The following NR2C2 variants were observed in gnomAD, a reference collection of about 807,000 sequenced individuals.
The protein encoded by NR2C2 is Nuclear hormone receptor TR4.
Under a neutral mutation model 62.9 loss-of-function variants are expected in NR2C2, and 6 were observed. The observed-to-expected ratio is 0.10, with a 90% CI of 0.05 to 0.19. The LOEUF is 0.19. NR2C2 is among the 10% of genes least tolerant of loss of function. The pLI, the probability that NR2C2 is intolerant of heterozygous loss-of-function variation, is 1.00. For synonymous variants in NR2C2, 272 were observed against 273.8 expected (o/e 0.99, Z 0.07); for missense variants, 479 against 762.7 (o/e 0.63, Z 4.38).
intron 7 of NR2C2, among the ~76,000 whole-genome samples, chr3:15,027,195 C>T (rs962031165): frequency 6.6e-6 from 1 of 152,084 alleles, no homozygotes; most frequent in Admixed American, 6.5e-5. Flanking sequence ...GATGAGGTTT[C>T]ACCATGTTGG....
At chr3:15,001,876 C>T (rs2041013948) in intron 1 of NR2C2, among the ~76,000 whole-genome samples, 3 of 152,206 alleles carry the variant, frequency 2.0e-5, no homozygotes, top group Middle Eastern at 6.8e-3. Context: ...CCTCGGTCTC[C>T]CAAAGTGCCA....
chr3:14,969,206 C>A (rs2039961364), intron 1 of NR2C2, among the ~76,000 whole-genome samples: 1 of 150,078 alleles, frequency 6.7e-6, no homozygotes, highest in African/African-American at 2.4e-5. Flanking sequence ...CATATAGATA[C>A]ATATACTATG....
At chr3:15,011,299 A>T (rs2041346201) in intron 2 of NR2C2, among the ~76,000 whole-genome samples, 1 of 152,210 alleles carries the variant, frequency 6.6e-6, no homozygotes, top group Non-Finnish European at 1.5e-5. Flanking sequence ...TGCTCATGCC[A>T]CTGCACGCCA....
In NR2C2 at chr3:15,030,354, A is replaced by G; in HGVS notation, c.1012A>G (p.Ser338Gly). ...AAGCTTGGCAGATGGGATAGACACCAGTGGAGGAGGGAGCATCCACGTCAT... is the reference window on the plus strand; with the variant it reads ...AAGCTTGGCAGATGGGATAGACACCGGTGGAGGAGGGAGCATCCACGTCAT... ...SPSLADGIDT[S>G]GGGSIHVISR... Residue 338 changes from serine to glycine, a missense_variant, in exon 9 of 14, where the codon AGT (serine) becomes GGT (glycine). Physicochemically the swap from Ser to Gly is moderately conservative, Grantham distance 56. Around this residue, in one of 4 missense-constraint regions of NR2C2, gnomAD observed 151 missense variants for 176.1 expected, o/e 0.86. Coordinates refer to ENST00000425241, the MANE Select transcript of NR2C2 (RefSeq NM_001291694.2). 1 of 1,613,574 alleles carries G rather than the reference A, an allele frequency of 6.2e-7. No individual in the cohort carries two copies. Among genetic ancestry groups the G allele is most frequent in the Non-Finnish European group, 8.5e-7 (1 of 1,179,820 alleles).
At chr3:15,009,710 T>A (rs1048909226) in intron 2 of NR2C2, among the ~76,000 whole-genome samples, 1 of 152,212 alleles carries the variant, frequency 6.6e-6, no homozygotes. Context: ...CCCAGGGCTG[T>A]CACAATAAAT....
intron 1 of NR2C2, among the ~76,000 whole-genome samples, chr3:14,982,181 C>T (rs1338250577): frequency 6.6e-6 from 1 of 152,148 alleles, no homozygotes; most frequent in East Asian, 1.9e-4. Flanking sequence ...CCTTCCACCT[C>T]ACCCTTCCAA....
At position 15,016,155 on chromosome 3, in the gene NR2C2, G is replaced by T. The variant is rs1473217829; in HGVS notation, c.277G>T (p.Val93Phe). ...TTCGTTTCCTGATTTCTCTCAGATT[G>T]TCACGGATTCTGCCTCTGTGGAGCG... ...DNLVPGRIQI[V>F]TDSASVERLL... The change falls in exon 4 of 14, where the codon GTC (valine) becomes TTC (phenylalanine). Residue 93 changes from valine (V) to phenylalanine (F), a missense_variant. Around this residue, in one of 4 missense-constraint regions of NR2C2, gnomAD observed 115 missense variants for 152.3 expected, o/e 0.76. Transcript: ENST00000425241. 6.2e-7 allele frequency: 1 copy of T among 1,613,414 alleles called. No homozygotes were observed. Among genetic ancestry groups the T allele is most frequent in the African/African-American group, 1.3e-5 (1 of 74,998 alleles).
intron 1 of NR2C2, among the ~76,000 whole-genome samples, chr3:14,967,874 A>T (rs1375692497): frequency 6.6e-6 from 1 of 152,228 alleles, no homozygotes; most frequent in Non-Finnish European, 1.5e-5. Flanking sequence ...CCTGAGAAAA[A>T]CAAGCAATGG....
At chr3:15,036,424 C>T (rs1271548330) in intron 11 of NR2C2, among the ~76,000 whole-genome samples, 1 of 152,196 alleles carries the variant, frequency 6.6e-6, no homozygotes, top group Non-Finnish European at 1.5e-5. Flanking sequence ...AGACCACTGT[C>T]ATGCCCAGGA....
chr3:15,027,896 T>C (rs1017727436), intron 7 of NR2C2, among the ~76,000 whole-genome samples: 3 of 151,864 alleles, frequency 2.0e-5, no homozygotes, highest in African/African-American at 7.3e-5. Flanking sequence ...ACATGGAATC[T>C]TACTCTGTCA....
intron 2 of NR2C2, among the ~76,000 whole-genome samples, chr3:15,012,978 C>G (rs1483123410): frequency 6.6e-6 from 1 of 152,158 alleles, no homozygotes; most frequent in Non-Finnish European, 1.5e-5. Context: ...TTATTGTCGT[C>G]TCTCTATGTG....
Position 14,961,881 on chromosome 3 carries a change from G to A in NR2C2, c.-40+13975G>A, listed in dbSNP as rs143171247. On this transcript the variant is annotated intron_variant, in intron 1 of 13. Transcript: ENST00000425241. Reference sequence around the variant, plus strand: ...CACTCTTTAGTAATGCAGTCTCTTCGCTTCTTGCTTTGTTAGTGATAGTAT... The same window carrying A: ...CACTCTTTAGTAATGCAGTCTCTTCACTTCTTGCTTTGTTAGTGATAGTAT... 6.9e-3 allele frequency among the ~76,000 whole-genome samples: 1,058 copies of A among 152,284 alleles called. 10 individuals are homozygous for A. Among genetic ancestry groups the A allele is most frequent in the Non-Finnish European group, 0.01 (683 of 68,022 alleles).
intron 1 of NR2C2, among the ~76,000 whole-genome samples, chr3:14,967,847 A>C (rs1000959636): frequency 6.6e-6 from 1 of 152,186 alleles, no homozygotes; most frequent in African/African-American, 2.4e-5. Flanking sequence ...ATCTACAACT[A>C]TCTTATCTTT....
chr3:14,983,959 G>A (rs779647206), intron 1 of NR2C2, among the ~76,000 whole-genome samples: 24 of 152,230 alleles, frequency 1.6e-4, no homozygotes, highest in African/African-American at 4.8e-4. Flanking sequence ...CGCGATCTTG[G>A]CTCACTGCAA....
chr3:15,036,401 T>C (rs2042104252), intron 11 of NR2C2, among the ~76,000 whole-genome samples: 1 of 152,188 alleles, frequency 6.6e-6, no homozygotes, highest in Non-Finnish European at 1.5e-5. Flanking sequence ...GTAGCATGTC[T>C]GCAACACTCT....
intron 1 of NR2C2, among the ~76,000 whole-genome samples, chr3:15,000,126 T>C (rs2040948241): frequency 6.6e-6 from 1 of 152,202 alleles, no homozygotes; most frequent in Non-Finnish European, 1.5e-5. Flanking sequence ...AAGAAAAGTA[T>C]TCCTCCTAAG....
At chr3:15,025,453 T>C (rs530864178) in intron 7 of NR2C2, 3 of 152,374 alleles carry the variant, frequency 2.0e-5, no homozygotes, top group African/African-American at 7.2e-5. Context: ...CAAAGCTGTA[T>C]GGTATTTCAG....
intron 2 of NR2C2, among the ~76,000 whole-genome samples, chr3:15,006,995 G>A (rs932090405): frequency 2.6e-5 from 4 of 151,776 alleles, no homozygotes; most frequent in African/African-American, 4.8e-5. Context: ...GGCTGGTCTC[G>A]AACTCCTGAC....
At chr3:14,977,181 TC>T (rs2040232193) in intron 1 of NR2C2, among the ~76,000 whole-genome samples, 1 of 152,196 alleles carries the variant, frequency 6.6e-6, no homozygotes, top group Non-Finnish European at 1.5e-5. Context: ...GCCTCCAGCT[TC>T]TACTTTTAGT....
Sources: gnomAD v4.1 joint callset for allele counts (sites outside exome capture counted in the v4.1 genomes callset) on GRCh38, gnomAD v4.1.1 for gene constraint, gnomAD v4.1.1 regional missense constraint, MANE v1.5 for transcripts, NCBI Gene and HGNC (gene_info 2026-07-23, HGNC 2026-07-21) for gene names.